RPH3AL: variants seen among roughly 807,000 people sequenced by gnomAD.
RPH3AL encodes rab effector Noc2.
Under a neutral mutation model 43.1 loss-of-function variants are expected in RPH3AL, and 38 were observed. The ratio of observed to expected loss-of-function variants is 0.88; its 90% confidence interval spans 0.68 to 1.15. The LOEUF (loss-of-function observed/expected upper bound fraction) is 1.15. RPH3AL is among the 50% of genes most tolerant of loss of function. The pLI, the probability that RPH3AL is intolerant of heterozygous loss-of-function variation, is 0.00. For synonymous variants in RPH3AL, 189 were observed against 176.3 expected, an observed-to-expected ratio of 1.07 and a Z score of -0.57; for missense variants, 462 against 423.2, an observed-to-expected ratio of 1.09 and a Z score of -0.81.
At position 225,616 on chromosome 17, in the gene RPH3AL, T is replaced by G. The variant is rs2041090325; in HGVS notation, c.614-5880A>C. 2.0e-5 allele frequency among the ~76,000 whole-genome samples: 3 copies of G among 152,078 alleles called. No individual in the cohort carries two copies. Among genetic ancestry groups the G allele is most frequent in the African/African-American group, 7.2e-5 (3 of 41,406 alleles). Reference sequence around the variant, plus strand: ...CACACTTCCCGGGAGCAGGGAGGTGTCCAGCAGGAGGACAGTCCTGCGGAG... The same window carrying G: ...CACACTTCCCGGGAGCAGGGAGGTGGCCAGCAGGAGGACAGTCCTGCGGAG... On this transcript the variant is annotated intron_variant, in intron 7 of 9. Transcript: ENST00000331302. This position sits in a 1 kb window ranked among gnomAD's most constrained non-coding sequence, Gnocchi z 4.4.
chr17:335,517 G>A (rs2044930256), intron 1 of RPH3AL, among the ~76,000 whole-genome samples: 1 of 152,152 alleles, frequency 6.6e-6, no homozygotes, highest in African/African-American at 2.4e-5. Flanking sequence ...AGACTGAGGA[G>A]GGGTAATAAA....
At position 317,047 on chromosome 17, in the gene RPH3AL, C is replaced by G. The variant is rs542814022; in HGVS notation, c.351+2373G>C. 2.1e-3 allele frequency among the ~76,000 whole-genome samples: 309 copies of G among 149,704 alleles called. 1 individual carries two copies. The highest frequency in any genetic ancestry group is 7.2e-3 in the African/African-American group (293 of 40,586). On this transcript the variant is annotated intron_variant, in intron 5 of 9. Transcript: ENST00000331302. ...TGCTCCACCTCCACTGACCTGTAGT[C>G]TCTGTGCCCCACCTCCACTGACCTG...
intron 5 of RPH3AL, among the ~76,000 whole-genome samples, chr17:314,660 C>A (rs2043829171): frequency 6.6e-6 from 1 of 150,478 alleles, no homozygotes; most frequent in East Asian, 1.9e-4. Context: ...ACTCCACCTC[C>A]ATTGACCTGT....
At chr17:338,867 C>A (rs927710240) in intron 1 of RPH3AL, 1 of 152,298 alleles carries the variant, frequency 6.6e-6, no homozygotes, top group Non-Finnish European at 1.5e-5. Flanking sequence ...CCTCCTCACC[C>A]GCTTGGAAAA....
intron 5 of RPH3AL, among the ~76,000 whole-genome samples, chr17:282,707 G>A (rs1041056176): frequency 2.6e-5 from 4 of 152,232 alleles, no homozygotes; most frequent in African/African-American, 9.6e-5. Context: ...AGCACATAGA[G>A]CACACTTACG....
At chr17:336,677 G>A (rs897415552) in intron 1 of RPH3AL, among the ~76,000 whole-genome samples, 1 of 152,186 alleles carries the variant, frequency 6.6e-6, no homozygotes, top group Middle Eastern at 3.2e-3. Flanking sequence ...GAAACCTTCG[G>A]TGGCTCCCCA....
intron 6 of RPH3AL, among the ~76,000 whole-genome samples, chr17:253,547 A>T (rs1221080966): frequency 6.6e-6 from 1 of 152,140 alleles, no homozygotes; most frequent in Non-Finnish European, 1.5e-5. Context: ...TATTCATAAC[A>T]TCAAACGTAT....
rs199672655 is a variant in RPH3AL at position 327,474 on chromosome 17, G to A, written c.70C>T (p.Arg24Ter). The change falls in exon 3 of 10, where the codon CGA (arginine) becomes TGA (stop). Residue 24 changes from arginine to a stop codon, truncating the protein, a stop_gained. Coordinates refer to ENST00000331302, the MANE Select transcript of RPH3AL (RefSeq NM_006987.4). LOFTEE classifies it high-confidence loss of function. ...VCPNDRQLALRAKLQTGWSVH... is the reference protein window; with the variant it reads ...VCPNDRQLAL Reference sequence around the variant, plus strand: ...GGCCCCAGAGGTACTCACTTGGCTCGAAGGGCAAGCTGCCGGTCATTGGGG... The same window carrying A: ...GGCCCCAGAGGTACTCACTTGGCTCAAAGGGCAAGCTGCCGGTCATTGGGG... 147 of 1,613,746 alleles carry A rather than the reference G, an allele frequency of 9.1e-5. No individual in the cohort carries two copies. The highest frequency in any genetic ancestry group is 1.1e-4 in the Non-Finnish European group (133 of 1,179,928).
At chr17:241,577 A>T (rs1051607302) in intron 7 of RPH3AL, among the ~76,000 whole-genome samples, 1 of 152,116 alleles carries the variant, frequency 6.6e-6, no homozygotes, top group African/African-American at 2.4e-5. Context: ...CACCATGCAG[A>T]GTGTTGGGTA....
chr17:315,163 GCCCCCAC>G (rs2043918972), intron 5 of RPH3AL, among the ~76,000 whole-genome samples: 2 of 18,398 alleles, frequency 1.1e-4, no homozygotes, highest in East Asian at 2.3e-3. Context: ...TAGTCCCTGT[GCCCCCAC>G]CTCCATTCAC....
intron 5 of RPH3AL, among the ~76,000 whole-genome samples, chr17:288,785 C>G (rs1484565446): frequency 1.9e-4 from 2 of 10,552 alleles, no homozygotes; most frequent in African/African-American, 2.3e-4. Context: ...GACCTCGCAC[C>G]CTCTCTCCAC....
rs894728849 is a variant in RPH3AL at position 328,125 on chromosome 17, G to T, written c.-36-546C>A. Reference sequence around the variant, plus strand: ...GGCAGGGGGTGGCAGCTACAGCCAGGATTGCCACCCAGCACCATGCCAAGG... The same window carrying T: ...GGCAGGGGGTGGCAGCTACAGCCAGTATTGCCACCCAGCACCATGCCAAGG... On this transcript the variant is annotated intron_variant, in intron 2 of 9. Coordinates refer to ENST00000331302, the MANE Select transcript of RPH3AL (RefSeq NM_006987.4). The surrounding 1 kb of genome is among the most constrained non-coding windows in gnomAD (Gnocchi z 4.2). Among the ~76,000 whole-genome samples, 1 of 152,098 alleles carries T rather than the reference G, an allele frequency of 6.6e-6. No individual in the cohort carries two copies. Among genetic ancestry groups the T allele is most frequent in the Non-Finnish European group, 1.5e-5 (1 of 68,004 alleles).
intron 5 of RPH3AL, among the ~76,000 whole-genome samples, chr17:287,017 A>T (rs866603489): frequency 5.3e-4 from 12 of 22,686 alleles, no homozygotes; most frequent in Admixed American, 8.3e-4. Context: ...CAGACCTCAC[A>T]CCCTCTCTCC....
At chr17:294,494 T>C (rs1259588932) in intron 5 of RPH3AL, among the ~76,000 whole-genome samples, 2 of 152,126 alleles carry the variant, frequency 1.3e-5, no homozygotes, top group Non-Finnish European at 2.9e-5. Context: ...CAGCATTAAG[T>C]CTGACCAGGA....
rs1235210916 is a variant in RPH3AL, at chr17:322,845, C to G, written c.78-1430G>C. Among the ~76,000 whole-genome samples the G allele has an allele frequency of 6.6e-6, 1 of 152,060 alleles. No homozygotes were observed. Among genetic ancestry groups the G allele is most frequent in the Admixed American group, 6.6e-5 (1 of 15,256 alleles). ...CATATCCTTTCTCTGTCAGGGGGAG[C>G]TGGGGGCTGATGAATGTGAAGATCT... On this transcript the variant is annotated intron_variant, in intron 3 of 9. Transcript: ENST00000331302. This position sits in a 1 kb window ranked among gnomAD's most constrained non-coding sequence, Gnocchi z 4.0.
Position 245,614 on chromosome 17 carries a change from T to A in RPH3AL, c.613+1497A>T, listed in dbSNP as rs1381530709. ...CCAAGCAGCATTTTAAACCCACAGG[T>A]GTCCACCAGCTTCTGCTCCCACTGT... On this transcript the variant is annotated intron_variant, in intron 7 of 9. Transcript: ENST00000331302. The surrounding 1 kb of genome is among the most constrained non-coding windows in gnomAD (Gnocchi z 5.9). Among the ~76,000 whole-genome samples the A allele has an allele frequency of 6.6e-6, 1 of 152,048 alleles. No homozygotes were observed. Among genetic ancestry groups the A allele is most frequent in the African/African-American group, 2.4e-5 (1 of 41,392 alleles).
At chr17:278,682 G>A (rs1321936506) in intron 6 of RPH3AL, among the ~76,000 whole-genome samples, 2 of 152,090 alleles carry the variant, frequency 1.3e-5, no homozygotes, top group Non-Finnish European at 2.9e-5. Context: ...CTAAGGACTT[G>A]ATCACCGTCT....
In RPH3AL at chr17:346,527, T is replaced by C. The variant is rs989261584; in HGVS notation, c.-213+6185A>G. Among the ~76,000 whole-genome samples the C allele has an allele frequency of 5.2e-5, 7 of 133,638 alleles. 1 individual carries two copies. In the South Asian group the frequency reaches 1.5e-3, roughly 29 times the overall value. The allele number at this position is 133,638 out of a possible 152,430, so 87.7% of individuals were successfully genotyped here. On this transcript the variant is annotated intron_variant, in intron 1 of 9. Transcript: ENST00000331302. ...GAACCATCAGCTCTCGTGAGACTTA[T>C]TCACTCTCATGAGAACAGCACGGGA...
In RPH3AL at chr17:215,779, T is replaced by C; in HGVS notation, c.751A>G (p.Met251Val). The change falls in exon 9 of 10, where the codon ATG (methionine) becomes GTG (valine). Residue 251 changes from methionine to valine, a missense_variant. Transcript: ENST00000331302. This position sits in a 1 kb window ranked among gnomAD's most constrained non-coding sequence, Gnocchi z 4.1. ...TGGCCCGGCGGGTGGGTGAACCCCA[T>C]CCTGGGGGCCTCCACGCTGCCACCT... Reference protein sequence around the residue: ...ESGGSVEAPRMGFTHPPGHLS... With the variant: ...ESGGSVEAPRVGFTHPPGHLS... The C allele has an allele frequency of 1.5e-6, 2 of 1,308,068 alleles. No homozygotes were observed. Among genetic ancestry groups the C allele is most frequent in the South Asian group, 2.6e-5 (1 of 37,810 alleles). 81.0% of individuals were successfully genotyped at this position (1,308,068 alleles called of 1,614,324 possible).
Sources: gnomAD v4.1 joint callset for allele counts (sites outside exome capture counted in the v4.1 genomes callset) on GRCh38, gnomAD v4.1.1 for gene constraint, Gnocchi (gnomAD v3.1) non-coding constraint, MANE v1.5 for transcripts, NCBI Gene and HGNC (gene_info 2026-07-23, HGNC 2026-07-21) for gene names.